ATF7: variants seen among roughly 807,000 people sequenced by gnomAD.
The protein encoded by ATF7 is activating transcription factor 7.
A neutral mutation model predicts 50.4 loss-of-function variants in ATF7; 10 were observed. That is an observed-to-expected ratio of 0.20 (90% confidence interval 0.12 to 0.34). The LOEUF (loss-of-function observed/expected upper bound fraction) is 0.34. Among genes scored for constraint, ATF7 ranks in the 10% least tolerant of loss-of-function variants. The pLI is 1.00. For synonymous variants in ATF7, 201 were observed against 226.4 expected (o/e 0.89, Z 1.01); for missense variants, 465 against 613.9 (o/e 0.76, Z 2.56).
chr12:53,572,034 TC>T (rs1941794885), intron 2 of ATF7, among the ~76,000 whole-genome samples: 1 of 151,156 alleles, frequency 6.6e-6, no homozygotes, highest in Non-Finnish European at 1.5e-5. Context: ...GCCACTGCAC[TC>T]CAGCCTGGGA....
chr12:53,583,852 GA>G (rs1239557967), intron 2 of ATF7, among the ~76,000 whole-genome samples: 2 of 152,180 alleles, frequency 1.3e-5, no homozygotes, highest in Non-Finnish European at 2.9e-5. Context: ...TGAACAGTAA[GA>G]AAATGAACAA....
chr12:53,613,339 C>T (rs2137896733), intron 1 of ATF7, among the ~76,000 whole-genome samples: 1 of 152,220 alleles, frequency 6.6e-6, no homozygotes, highest in Admixed American at 6.5e-5. Context: ...TTAAAGAGAT[C>T]TGAAGTTCTT....
In ATF7 at chr12:53,516,410, A is replaced by C. The variant is rs1937702889; in HGVS notation, c.*727T>G. On this transcript the variant is annotated 3_prime_UTR_variant, in exon 12 of 12. Transcript: ENST00000420353. ...CCACTACACTAAAGTCAAGGGACAA[A>C]ATGAGGTACCCAAATAGCTCTGCAA... 2 of 152,460 alleles carry C rather than the reference A, an allele frequency of 1.3e-5. No homozygotes were observed. Among genetic ancestry groups the C allele is most frequent in the South Asian group, 4.2e-4 (2 of 4,818 alleles). The allele number at this position is 152,460 out of a possible 1,614,324, so 9.4% of individuals were successfully genotyped here.
chr12:53,626,050 C>G (rs1339198550), intron 1 of ATF7: 1 of 152,316 alleles, frequency 6.6e-6, no homozygotes, highest in African/African-American at 2.4e-5. Context: ...AACGTAAAAG[C>G]GATCTCCCAT....
At chr12:53,556,930 TA>T (rs1940794981) in intron 2 of ATF7, among the ~76,000 whole-genome samples, 1 of 152,214 alleles carries the variant, frequency 6.6e-6, no homozygotes, top group Non-Finnish European at 1.5e-5. Flanking sequence ...ATTATCATAG[TA>T]TTTTTTTAAT....
At chr12:53,531,422 C>CAAA (rs541415026) in intron 9 of ATF7, among the ~76,000 whole-genome samples, 1 of 61,792 alleles carries the variant, frequency 1.6e-5, no homozygotes, top group Non-Finnish European at 3.3e-5. Context: ...AACTCCATCT[C>CAAA]AAAAAAAAAA....
chr12:53,554,291 C>T (rs1353825900), intron 2 of ATF7, among the ~76,000 whole-genome samples: 3 of 151,878 alleles, frequency 2.0e-5, no homozygotes, highest in South Asian at 4.2e-4. Flanking sequence ...CCACCATGCC[C>T]GGCTAATTTT....
At position 53,524,852 on chromosome 12, in the gene ATF7, TA is replaced by T. The variant is rs1230712255; in HGVS notation, c.928-92del. On this transcript the variant is annotated intron_variant, in intron 9 of 11. Coordinates refer to ENST00000420353, the MANE Select transcript of ATF7 (RefSeq NM_006856.3). This position sits in a 1 kb window ranked among gnomAD's most constrained non-coding sequence, Gnocchi z 4.6. ...TGTTAGGTAGAGTAGTAAGATCTGG[TA>T]AAAGGATATACCAGCCTCTGGTAAC... is the stretch of plus-strand genomic sequence containing the variant. 5.0e-6 allele frequency: 6 copies of T among 1,190,602 alleles called. No individual in the cohort carries two copies. The highest frequency in any genetic ancestry group is 1.5e-5 in the African/African-American group (1 of 64,864). The allele number at this position is 1,190,602 out of a possible 1,614,324, so 73.8% of individuals were successfully genotyped here. A position where few individuals can be genotyped will look rare whatever the true frequency, so the allele number is the denominator to read the frequency against.
intron 3 of ATF7, among the ~76,000 whole-genome samples, chr12:53,551,756 T>C (rs777286133): frequency 1.4e-4 from 22 of 152,182 alleles, no homozygotes; most frequent in Non-Finnish European, 2.8e-4. Flanking sequence ...TTAACTAATG[T>C]AATAACCACC....
intron 1 of ATF7, among the ~76,000 whole-genome samples, chr12:53,623,486 T>C (rs893814691): frequency 3.9e-5 from 6 of 152,216 alleles, no homozygotes; most frequent in African/African-American, 1.4e-4. Context: ...GCTGCATTTG[T>C]TTTTCTCAAA....
chr12:53,519,090 C>CTG (rs1256975534), intron 11 of ATF7, among the ~76,000 whole-genome samples: 2 of 151,890 alleles, frequency 1.3e-5, no homozygotes, highest in African/African-American at 4.8e-5. Flanking sequence ...ATTGCGTCCT[C>CTG]TGTGAAGCCA....
At chr12:53,529,017 A>G (rs972991712) in intron 9 of ATF7, among the ~76,000 whole-genome samples, 1 of 151,966 alleles carries the variant, frequency 6.6e-6, no homozygotes, top group Non-Finnish European at 1.5e-5. Context: ...AGGCGGGAGG[A>G]CTGCTTGAGT....
rs1320451121 is a variant in ATF7 at position 53,524,275 on chromosome 12, G to T, written c.1125+289C>A. Among the ~76,000 whole-genome samples the T allele has an allele frequency of 6.6e-6, 1 of 152,108 alleles. No individual in the cohort carries two copies. On this transcript the variant is annotated intron_variant, in intron 10 of 11. Coordinates refer to ENST00000420353, the MANE Select transcript of ATF7 (RefSeq NM_006856.3). This position sits in a 1 kb window ranked among gnomAD's most constrained non-coding sequence, Gnocchi z 4.6. ...CTTTTGGTTTTCATGACCCCAGTCA[G>T]ATTCTACAGATGATTTAAAAGAGCA... is the stretch of plus-strand genomic sequence containing the variant.
At chr12:53,542,179 C>T (rs556405688) in intron 4 of ATF7, among the ~76,000 whole-genome samples, 9 of 144,800 alleles carry the variant, frequency 6.2e-5, no homozygotes, top group African/African-American at 2.3e-4. Context: ...TAATCCCAGC[C>T]CTTTGGGAGG....
intron 1 of ATF7, among the ~76,000 whole-genome samples, chr12:53,615,089 GAA>G (rs952486526): frequency 7.5e-6 from 1 of 133,672 alleles, no homozygotes. Context: ...CAAAAGAAAA[GAA>G]AAAAAAAAAG....
At chr12:53,602,345 T>A (rs1943438764) in intron 1 of ATF7, among the ~76,000 whole-genome samples, 1 of 152,226 alleles carries the variant, frequency 6.6e-6, no homozygotes, top group Non-Finnish European at 1.5e-5. Flanking sequence ...TGAAATAAAA[T>A]GTTAACGTGC....
intron 2 of ATF7, among the ~76,000 whole-genome samples, chr12:53,585,602 G>T (rs907770001): frequency 1.3e-5 from 2 of 152,134 alleles, no homozygotes; most frequent in African/African-American, 4.8e-5. Flanking sequence ...ATAGCTTCTT[G>T]CATATTCATT....
At chr12:53,623,391 CTT>C (rs1593020283) in intron 1 of ATF7, among the ~76,000 whole-genome samples, 1 of 152,170 alleles carries the variant, frequency 6.6e-6, no homozygotes, top group Non-Finnish European at 1.5e-5. Context: ...AGACAGAAGA[CTT>C]TTTCATGAAC....
At chr12:53,601,069 CAAA>C (rs369709383) in intron 1 of ATF7, 48 bp from the exon 2 acceptor site, 10,535 of 917,516 alleles carry the variant, frequency 0.011, no homozygotes, top group South Asian at 0.014. Context: ...TATGCTGGAG[CAAA>C]AAAAAAAAAA....
Sources: allele counts gnomAD v4.1 joint callset (sites outside exome capture counted in the v4.1 genomes callset), GRCh38; gene constraint gnomAD v4.1.1; non-coding constraint Gnocchi (gnomAD v3.1); transcripts MANE v1.5; gene names NCBI Gene and HGNC (gene_info 2026-07-23, HGNC 2026-07-21).